Variants in LCORL observed in about 807,000 individuals in gnomAD.
The protein encoded by LCORL is ligand-dependent nuclear receptor corepressor-like protein.
In LCORL, 41 loss-of-function variants were observed where a neutral mutation model predicts 141.8. That is an observed-to-expected ratio of 0.29 (90% confidence interval 0.23 to 0.38). The LOEUF (loss-of-function observed/expected upper bound fraction) is 0.38, where lower values mean the gene tolerates loss of function less well. Among genes scored for constraint, LCORL ranks in the 10% least tolerant of loss-of-function variants. LCORL has a pLI of 1.00. For missense variants in LCORL, 1,759 were observed against 2,035.0 expected (o/e 0.86, Z 2.61); for synonymous variants, 618 against 694.1 (o/e 0.89, Z 1.72).
chr4:17,848,027 ATACTT>A (rs1459540398), intron 7 of LCORL, among the ~76,000 whole-genome samples: 1 of 152,244 alleles, frequency 6.6e-6, no homozygotes, highest in Non-Finnish European at 1.5e-5. Flanking sequence ...CCAGAGAAGA[ATACTT>A]TAATAAACTA....
At chr4:17,979,073 G>T (rs1377664816) in intron 1 of LCORL, among the ~76,000 whole-genome samples, 1 of 151,930 alleles carries the variant, frequency 6.6e-6, no homozygotes, top group Admixed American at 6.6e-5. Context: ...ACAGGCCCCA[G>T]TGTGTTATGT....
intron 7 of LCORL, among the ~76,000 whole-genome samples, chr4:17,870,766 T>C (rs16895924): frequency 0.045 from 6,816 of 152,238 alleles, 498 homozygotes; most frequent in African/African-American, 0.16. Context: ...AAGAGCATAT[T>C]GTAGACATTC....
At chr4:17,953,569 T>C (rs1433220129) in intron 4 of LCORL, among the ~76,000 whole-genome samples, 1 of 152,230 alleles carries the variant, frequency 6.6e-6, no homozygotes, top group Non-Finnish European at 1.5e-5. Context: ...CACTTACTTG[T>C]CATCTGCAAG....
At chr4:18,011,472 CT>C (rs2109873737) in intron 1 of LCORL, among the ~76,000 whole-genome samples, 1 of 151,850 alleles carries the variant, frequency 6.6e-6, no homozygotes, top group Admixed American at 6.6e-5. Context: ...CAATTTCCTC[CT>C]TGTAGAAGCT....
chr4:17,947,715 C>G (rs1296387605), intron 4 of LCORL, among the ~76,000 whole-genome samples: 1 of 151,728 alleles, frequency 6.6e-6, no homozygotes, highest in Non-Finnish European at 1.5e-5. Context: ...TTAAAAAGAC[C>G]AGTAAATCCA....
intron 5 of LCORL, among the ~76,000 whole-genome samples, chr4:17,904,879 C>T (rs907172893): frequency 6.6e-6 from 1 of 152,124 alleles, no homozygotes; most frequent in Non-Finnish European, 1.5e-5. Flanking sequence ...TTAGGATCAG[C>T]AAGCCACATT....
At chr4:17,987,011 G>A (rs1035229232) in intron 1 of LCORL, among the ~76,000 whole-genome samples, 1 of 151,976 alleles carries the variant, frequency 6.6e-6, no homozygotes, top group Non-Finnish European at 1.5e-5. Context: ...ATTTTTGAAA[G>A]TCAAAAATCA....
intron 4 of LCORL, chr4:17,912,919 C>T (rs938676088): frequency 1.7e-5 from 8 of 466,516 alleles, no homozygotes; most frequent in East Asian, 5.3e-5. Flanking sequence ...CACCAGCCAC[C>T]GGATAGTGGA....
In LCORL at chr4:17,934,833, T is replaced by C. The variant is rs75335633; in HGVS notation, c.431-25488A>G. On this transcript the variant is annotated intron_variant, in intron 4 of 7. Transcript: ENST00000635767. ...TCATTAGTAAAACTGTTTTTCTTCA[T>C]AGACTAAAAGCATTCACGAAACATG... 7.8e-3 allele frequency among the ~76,000 whole-genome samples: 1,187 copies of C among 152,282 alleles called. 11 individuals are homozygous for C. The highest frequency in any genetic ancestry group is 0.027 in the African/African-American group (1,121 of 41,572).
In LCORL at chr4:18,021,823, G is replaced by A. The variant is rs1426474863; in HGVS notation, c.-72C>T. Reference sequence around the variant, plus strand: ...CACGAGGCAGGGGCGCGAGCCCTCGGCGCGAGCCCCGGAGCGCGCGCCCCC... The same window carrying A: ...CACGAGGCAGGGGCGCGAGCCCTCGACGCGAGCCCCGGAGCGCGCGCCCCC... On this transcript the variant is annotated 5_prime_UTR_variant, in exon 1 of 8. Coordinates refer to ENST00000635767, the Ensembl canonical transcript of LCORL. This position sits in a 1 kb window ranked among gnomAD's most constrained non-coding sequence, Gnocchi z 5.5. The A allele has an allele frequency of 3.0e-6, 4 of 1,336,108 alleles. No homozygotes were observed. The highest frequency in any genetic ancestry group is 3.9e-6 in the Non-Finnish European group (4 of 1,028,710). The allele number at this position is 1,336,108 out of a possible 1,614,324, so 82.8% of individuals were successfully genotyped here.
chr4:17,976,550 G>A (rs1353552071), intron 1 of LCORL, among the ~76,000 whole-genome samples: 1 of 151,866 alleles, frequency 6.6e-6, no homozygotes, highest in African/African-American at 2.4e-5. Flanking sequence ...GTAATATAAG[G>A]ATCAAATCTC....
chr4:17,978,812 G>C (rs183923775), intron 1 of LCORL, among the ~76,000 whole-genome samples: 1 of 152,274 alleles, frequency 6.6e-6, no homozygotes. Context: ...GATTTCTTGA[G>C]CTCTTTCTCT....
At chr4:17,860,634 C>T (rs1724892929) in intron 7 of LCORL, among the ~76,000 whole-genome samples, 1 of 152,214 alleles carries the variant, frequency 6.6e-6, no homozygotes, top group Admixed American at 6.5e-5. Context: ...AACAGTCCCC[C>T]ACAGTCTTAT....
At chr4:17,920,233 T>A (rs1273994276) in intron 4 of LCORL, among the ~76,000 whole-genome samples, 1 of 152,186 alleles carries the variant, frequency 6.6e-6, no homozygotes, top group African/African-American at 2.4e-5. Context: ...ACCCAGGTAG[T>A]AAGCACTGCT....
chr4:17,853,966 A>G (rs1223357109), intron 7 of LCORL, among the ~76,000 whole-genome samples: 2 of 152,204 alleles, frequency 1.3e-5, no homozygotes, highest in African/African-American at 2.4e-5. Context: ...AAGTATTCAT[A>G]AATTACCAGA....
At position 18,021,254 on chromosome 4, in the gene LCORL, T is replaced by G. The variant is rs1487162799; in HGVS notation, c.154+344A>C. ...ACCCACCGGGCCGCTTCCTCCGTCC[T>G]GTCAGGGTGGACGGCGGGCGACGGC... On this transcript the variant is annotated intron_variant, in intron 1 of 7. Coordinates refer to ENST00000635767, the Ensembl canonical transcript of LCORL. The surrounding 1 kb of genome is among the most constrained non-coding windows in gnomAD (Gnocchi z 5.5). Among the ~76,000 whole-genome samples, 1 of 152,108 alleles carries G rather than the reference T, an allele frequency of 6.6e-6. No homozygotes were observed. The highest frequency in any genetic ancestry group is 1.5e-5 in the Non-Finnish European group (1 of 67,976).
At chr4:17,858,297 AAT>A (rs1203607000) in intron 7 of LCORL, among the ~76,000 whole-genome samples, 2 of 151,900 alleles carry the variant, frequency 1.3e-5, no homozygotes, top group African/African-American at 4.8e-5. Flanking sequence ...CAGAAATAGT[AAT>A]ATGCAGAATT....
chr4:17,969,218 G>A (rs955993123), intron 2 of LCORL, among the ~76,000 whole-genome samples: 3 of 152,162 alleles, frequency 2.0e-5, no homozygotes, highest in Non-Finnish European at 2.9e-5. Flanking sequence ...TCTTCTAAAA[G>A]TACACCAATG....
At chr4:17,911,619 A>T in intron 4 of LCORL, 1 of 413,096 alleles carries the variant, frequency 2.4e-6, no homozygotes, top group Non-Finnish European at 4.7e-6. Flanking sequence ...AAAATGGATA[A>T]CTTGGTCGTT....
Sources: gnomAD v4.1 joint callset for allele counts (sites outside exome capture counted in the v4.1 genomes callset) on GRCh38, gnomAD v4.1.1 for gene constraint, Gnocchi (gnomAD v3.1) non-coding constraint, MANE v1.5 for transcripts, NCBI Gene and HGNC (gene_info 2026-07-23, HGNC 2026-07-21) for gene names.